The following CORIN variants were observed in gnomAD, a reference collection of about 807,000 sequenced individuals.
CORIN encodes corin, serine peptidase.
CORIN carries 117 observed loss-of-function variants against 125.3 expected under a neutral mutation model. The ratio of observed to expected loss-of-function variants is 0.93; its 90% confidence interval spans 0.80 to 1.09. The LOEUF is 1.09. CORIN is among the 50% of genes least tolerant of loss of function. CORIN has a pLI of 0.00. For synonymous variants in CORIN, 450 were observed against 466.4 expected (o/e 0.96, Z 0.45); for missense variants, 1,253 against 1,306.7 (o/e 0.96, Z 0.63).
chr4:47,792,369 A>T (rs1731118666), intron 2 of CORIN, among the ~76,000 whole-genome samples: 1 of 152,214 alleles, frequency 6.6e-6, no homozygotes, highest in South Asian at 2.1e-4. Flanking sequence ...TAGAATGATC[A>T]CTTTGGCAGC....
At chr4:47,694,225 C>A (rs1725887535) in intron 5 of CORIN, among the ~76,000 whole-genome samples, 1 of 152,098 alleles carries the variant, frequency 6.6e-6, no homozygotes, top group Admixed American at 6.5e-5. Context: ...TCCTAGAAAA[C>A]AAAATACAGT....
At chr4:47,639,872 G>C (rs1233033314) in intron 16 of CORIN, among the ~76,000 whole-genome samples, 1 of 152,142 alleles carries the variant, frequency 6.6e-6, no homozygotes, top group Non-Finnish European at 1.5e-5. Flanking sequence ...GGCATAGCCT[G>C]GCTCTCCAGA....
Position 47,763,590 on chromosome 4 carries a change from G to A in CORIN, c.410-4C>T. The A allele has an allele frequency of 1.2e-6, 2 of 1,613,352 alleles. No individual in the cohort carries two copies. The highest frequency in any genetic ancestry group is 2.7e-5 in the African/African-American group (2 of 74,974). On this transcript the variant is annotated splice_polypyrimidine_tract_variant and splice_region_variant and intron_variant, in intron 3 of 21. Transcript: ENST00000273857. ...TGGGTGATGTTCATACAGGCACCTGGGAAGTAAAGACATGCACATTTAAGA... is the reference window on the plus strand; with the variant it reads ...TGGGTGATGTTCATACAGGCACCTGAGAAGTAAAGACATGCACATTTAAGA...
At chr4:47,637,226 A>C (rs1240442840) in intron 16 of CORIN, among the ~76,000 whole-genome samples, 1 of 152,214 alleles carries the variant, frequency 6.6e-6, no homozygotes, top group Non-Finnish European at 1.5e-5. Context: ...TCAAGAGGTG[A>C]CTTGGGTGCT....
intron 5 of CORIN, among the ~76,000 whole-genome samples, chr4:47,724,514 T>A (rs190370535): frequency 1.3e-5 from 2 of 152,100 alleles, no homozygotes; most frequent in Non-Finnish European, 2.9e-5. Flanking sequence ...AAGAAAGATA[T>A]AAATTTAGAC....
chr4:47,649,575 T>C (rs1246910406), intron 13 of CORIN, among the ~76,000 whole-genome samples: 1 of 152,178 alleles, frequency 6.6e-6, no homozygotes, highest in African/African-American at 2.4e-5. Context: ...TGAGAGATAA[T>C]GTGGGTGTTC....
At chr4:47,651,333 G>A (rs1463586972) in intron 13 of CORIN, among the ~76,000 whole-genome samples, 6 of 152,260 alleles carry the variant, frequency 3.9e-5, no homozygotes, top group Non-Finnish European at 7.3e-5. Flanking sequence ...CAGCTTTGCT[G>A]GAGCTGGTGC....
intron 2 of CORIN, among the ~76,000 whole-genome samples, chr4:47,802,357 G>A (rs115757156): frequency 6.6e-6 from 1 of 152,144 alleles, no homozygotes; most frequent in African/African-American, 2.4e-5. Context: ...TTCTGGACCT[G>A]CCCTGGGCCA....
At chr4:47,648,276 A>C (rs932707870) in intron 13 of CORIN, among the ~76,000 whole-genome samples, 1 of 152,226 alleles carries the variant, frequency 6.6e-6, no homozygotes, top group African/African-American at 2.4e-5. Context: ...TTGATGTCAG[A>C]ATAATAACCT....
rs560007552 is a variant in CORIN, at chr4:47,653,489, C to T, written c.1843+64G>A. On this transcript the variant is annotated intron_variant, in intron 13 of 21. Coordinates refer to ENST00000273857, the MANE Select transcript of CORIN (RefSeq NM_006587.4). Reference sequence around the variant, plus strand: ...CAGTGAATAGTTTCCATTTTTAACACAGTTTCTTATTTTATTCTAGTTATC... The same window carrying T: ...CAGTGAATAGTTTCCATTTTTAACATAGTTTCTTATTTTATTCTAGTTATC... 9 of 1,323,718 alleles carry T rather than the reference C, an allele frequency of 6.8e-6. No homozygotes were observed. The Admixed American group carries it at 1.2e-4, about 18-fold the overall frequency. 82.0% of individuals were successfully genotyped at this position (1,323,718 alleles called of 1,614,324 possible).
chr4:47,780,783 TTTTG>T (rs1730506001), intron 3 of CORIN, among the ~76,000 whole-genome samples: 1 of 152,068 alleles, frequency 6.6e-6, no homozygotes, highest in African/African-American at 2.4e-5. Context: ...GGAACAGAGT[TTTTG>T]TTTGTTATTG....
intron 5 of CORIN, among the ~76,000 whole-genome samples, chr4:47,731,270 A>C (rs1727859577): frequency 6.6e-6 from 1 of 152,166 alleles, no homozygotes; most frequent in African/African-American, 2.4e-5. Context: ...AAACAAATAG[A>C]AGGCAAATTT....
chr4:47,645,000 C>T (rs1723402515), intron 14 of CORIN, 81 bp downstream of exon 14: 3 of 771,600 alleles, frequency 3.9e-6, no homozygotes, highest in Non-Finnish European at 6.7e-6. Flanking sequence ...TATTTACACA[C>T]TTTTAGCTTG....
At chr4:47,715,535 A>G (rs1021215273) in intron 5 of CORIN, among the ~76,000 whole-genome samples, 2 of 151,982 alleles carry the variant, frequency 1.3e-5, no homozygotes, top group African/African-American at 4.8e-5. Context: ...AATCCAGGAG[A>G]CGGAGGTGAG....
chr4:47,603,103 G>A (rs1206355527), intron 20 of CORIN, among the ~76,000 whole-genome samples: 1 of 152,104 alleles, frequency 6.6e-6, no homozygotes, highest in African/African-American at 2.4e-5. Context: ...GTAATGGGAG[G>A]GATCTGGTGG....
At chr4:47,625,099 C>T (rs1722497226) in intron 17 of CORIN, among the ~76,000 whole-genome samples, 1 of 152,060 alleles carries the variant, frequency 6.6e-6, no homozygotes, top group African/African-American at 2.4e-5. Context: ...ATTTGCAGCA[C>T]TTACCAAAGC....
intron 19 of CORIN, among the ~76,000 whole-genome samples, chr4:47,611,076 G>A (rs1363235604): frequency 6.6e-6 from 1 of 152,078 alleles, no homozygotes; most frequent in Admixed American, 6.6e-5. Flanking sequence ...TTGGCTATAT[G>A]GGCTCTTTTT....
rs1725394577 is a variant in CORIN, at chr4:47,683,805, C to T, written c.947G>A (p.Gly316Asp). The change falls in exon 7 of 22, where the codon GGC becomes GAC. Residue 316 changes from glycine (G) to aspartate (D), a missense_variant. By Grantham distance (94) the Gly-to-Asp change is moderately conservative. Transcript: ENST00000273857. ...CSENLFHCHT[G>D]KCLNYSLVCD... Reference sequence around the variant, plus strand: ...CACAAGGCTGTAATTAAGGCACTTGCCTGTGTGACAGTGAAACAGATTCTC... The same window carrying T: ...CACAAGGCTGTAATTAAGGCACTTGTCTGTGTGACAGTGAAACAGATTCTC... 5.0e-6 allele frequency: 8 copies of T among 1,613,580 alleles called. No individual in the cohort carries two copies. The East Asian group carries it at 1.8e-4, about 36-fold the overall frequency.
intron 21 of CORIN, among the ~76,000 whole-genome samples, chr4:47,598,649 T>C (rs977801036): frequency 3.9e-5 from 6 of 152,188 alleles, no homozygotes; most frequent in African/African-American, 1.4e-4. Context: ...ATATTAATCA[T>C]TGCTGCCAGA....
Sources: gnomAD v4.1 joint callset for allele counts (sites outside exome capture counted in the v4.1 genomes callset) on GRCh38, gnomAD v4.1.1 for gene constraint, MANE v1.5 for transcripts, NCBI Gene and HGNC (gene_info 2026-07-23, HGNC 2026-07-21) for gene names.